Variants in LACC1 observed in about 807,000 individuals in gnomAD.
LACC1 encodes laccase domain multifunctional purine nucleosidase 1, also known as purine nucleoside phosphorylase LACC1.
Under a neutral mutation model 34.8 loss-of-function variants are expected in LACC1, and 25 were observed. The ratio of observed to expected loss-of-function variants is 0.72; its 90% CI spans 0.52 to 1.00. LACC1 has a LOEUF of 1.00. LACC1 is among the 50% of genes least tolerant of loss of function. LACC1 has a pLI of 0.00. For synonymous variants in LACC1, 162 were observed against 168.0 expected (o/e 0.96, Z 0.28); for missense variants, 426 against 511.2 (o/e 0.83, Z 1.61).
At position 43,881,317 on chromosome 13, in the gene LACC1, G is replaced by A. The variant is rs375297301; in HGVS notation, c.332G>A (p.Arg111Lys). The A allele has an allele frequency of 1.2e-6, 2 of 1,613,822 alleles. No homozygotes were observed. The highest frequency in any genetic ancestry group is 2.7e-5 in the African/African-American group (2 of 74,890). ...SSIKVIVPRH[R>K]KTLMKAFIDQ... ...ATTAAGGTAATTGTACCCAGGCACA[G>A]GAAGACATTAATGAAAGCTTTTATT... The change falls in exon 2 of 7, where the codon AGG becomes AAG. Residue 111 changes from arginine to lysine, a missense_variant. Arg to Lys is a conservative substitution (Grantham distance 26). This residue lies in a region of LACC1 where 217 missense variants were observed against 210.9 expected (regional missense o/e 1.03). Transcript: ENST00000325686.
At chr13:43,882,906 A>G (rs1234284462) in intron 3 of LACC1, among the ~76,000 whole-genome samples, 1 of 151,974 alleles carries the variant, frequency 6.6e-6, no homozygotes, top group African/African-American at 2.4e-5. Flanking sequence ...GCAGATCAGG[A>G]TGCAAGGCCA....
intron 3 of LACC1, 55 bp downstream of exon 3, chr13:43,882,418 G>A: frequency 7.5e-7 from 1 of 1,328,314 alleles, no homozygotes; most frequent in Non-Finnish European, 1.0e-6. Flanking sequence ...TACTTTGCTA[G>A]TAACTACATG....
In LACC1 at chr13:43,881,065, C is replaced by T. The variant is rs1954998557; in HGVS notation, c.80C>T (p.Thr27Ile). 6.2e-7 allele frequency: 1 copy of T among 1,614,130 alleles called. No individual in the cohort carries two copies. The highest frequency in any genetic ancestry group is 8.5e-7 in the Non-Finnish European group (1 of 1,180,020). Residue 27 changes from threonine (T) to isoleucine (I), a missense_variant, in exon 2 of 7, where the codon ACT becomes ATT. Thr to Ile is a moderately conservative substitution (Grantham distance 89, BLOSUM62 -1). Around this residue, in one of 2 missense-constraint regions of LACC1, gnomAD observed 217 missense variants for 210.9 expected, o/e 1.03. Transcript: ENST00000325686. The part of the protein sequence containing the change: ...QKNCHQTLLK[T>I]LNAVQYHHAA... ...AACTGCCATCAGACATTACTGAAGA[C>T]TTTGAATGCTGTCCAATACCACCAT...
Position 43,884,615 on chromosome 13 carries a change from G to A in LACC1, c.907+679G>A, listed in dbSNP as rs140979663. Among the ~76,000 whole-genome samples, 431 of 152,254 alleles carry A rather than the reference G, an allele frequency of 2.8e-3. 3 individuals carry two copies. The highest frequency in any genetic ancestry group is 8.6e-3 in the Admixed American group (132 of 15,290). On this transcript the variant is annotated intron_variant, in intron 4 of 6. Transcript: ENST00000325686. ...ATTTTTAGAAGGTATATTGTGTTAA[G>A]GATATGGAATTTTGTTTTCTGAAGG... is the stretch of plus-strand genomic sequence containing the variant.
chr13:43,885,180 C>G (rs1410477025), intron 4 of LACC1, among the ~76,000 whole-genome samples: 1 of 152,096 alleles, frequency 6.6e-6, no homozygotes, highest in Non-Finnish European at 1.5e-5. Context: ...GGCCACACTG[C>G]CCAAAGCAAT....
At chr13:43,889,493 T>C (rs1347834196) in intron 5 of LACC1, among the ~76,000 whole-genome samples, 1 of 152,196 alleles carries the variant, frequency 6.6e-6, no homozygotes, top group South Asian at 2.1e-4. Flanking sequence ...TAATAACTGG[T>C]GAAAATTATT....
In LACC1 at chr13:43,881,335, CT is replaced by C. The variant is rs778054861; in HGVS notation, c.354del (p.Phe118LeufsTer19). 1 of 1,613,874 alleles carries C rather than the reference CT, an allele frequency of 6.2e-7. No homozygotes were observed. Among genetic ancestry groups the C allele is most frequent in the South Asian group, 1.1e-5 (1 of 91,070 alleles). On this transcript the variant is annotated frameshift_variant, in exon 2 of 7. Transcript: ENST00000325686. LOFTEE classifies it high-confidence loss of function. ...AGGCACAGGAAGACATTAATGAAAG[CT>C]TTTATTGATCAACTCTTCACTGATG... is the stretch of plus-strand genomic sequence containing the variant. ...VPRHRKTLMK[A>X]FIDQLFTDVY...
chr13:43,879,847 G>A (rs1474530706), upstream of LACC1: 1 of 150,122 alleles, frequency 6.7e-6, no homozygotes, highest in African/African-American at 2.5e-5. Flanking sequence ...GAGGCGGGGC[G>A]GGTGTCGTCG....
chr13:43,881,479 A>G lies in LACC1; in HGVS notation c.494A>G (p.Glu165Gly). ...QELRGIQNEI[E>G]TFLRSLPALR... ...CTAAGAGGAATTCAGAATGAAATAGAAACATTTTTGAGAAGTCTGCCAGCA... is the reference window on the plus strand; with the variant it reads ...CTAAGAGGAATTCAGAATGAAATAGGAACATTTTTGAGAAGTCTGCCAGCA... The change falls in exon 2 of 7, where the codon GAA becomes GGA. Residue 165 changes from glutamate (E) to glycine (G), a missense_variant. Transcript: ENST00000325686. 1 of 1,613,592 alleles carries G rather than the reference A, an allele frequency of 6.2e-7. No individual in the cohort carries two copies. Among genetic ancestry groups the G allele is most frequent in the Admixed American group, 1.7e-5 (1 of 59,912 alleles).
intron 5 of LACC1, 194 bp from the exon 6 acceptor site, chr13:43,889,920 G>C (rs928421695): frequency 1.9e-6 from 1 of 537,564 alleles, no homozygotes; most frequent in African/African-American, 1.9e-5. Flanking sequence ...TATGAACTTA[G>C]GTGATAAATG....
At chr13:43,890,062 G>T in intron 5 of LACC1, 52 bp from the exon 6 acceptor site, 1 of 1,476,474 alleles carries the variant, frequency 6.8e-7, no homozygotes, top group Non-Finnish European at 9.2e-7. Context: ...ATATTGCTTT[G>T]GCTATTGGGA....
At chr13:43,885,427 G>A (rs1955269315) in intron 4 of LACC1, among the ~76,000 whole-genome samples, 3 of 152,030 alleles carry the variant, frequency 2.0e-5, no homozygotes, top group South Asian at 2.1e-4. Flanking sequence ...CAATAGAACA[G>A]GATAGAGAAC....
intron 1 of LACC1, 33 bp from the exon 2 acceptor site, chr13:43,880,919 A>G (rs1954987896): frequency 7.6e-7 from 1 of 1,313,900 alleles, no homozygotes; most frequent in South Asian, 1.4e-5. Flanking sequence ...GATTTATATA[A>G]TCTTATATTC....
chr13:43,884,870 G>A (rs992985267), intron 4 of LACC1, among the ~76,000 whole-genome samples: 1 of 152,150 alleles, frequency 6.6e-6, no homozygotes, highest in Non-Finnish European at 1.5e-5. Context: ...TAAAATTTGA[G>A]TCTTGGCTCC....
At position 43,881,137 on chromosome 13, in the gene LACC1, G is replaced by A. The variant is rs757456414; in HGVS notation, c.152G>A (p.Ser51Asn). 1 of 1,614,138 alleles carries A rather than the reference G, an allele frequency of 6.2e-7. No individual in the cohort carries two copies. The highest frequency in any genetic ancestry group is 2.2e-5 in the East Asian group (1 of 44,874). Residue 51 changes from serine to asparagine, a missense_variant, in exon 2 of 7, where the codon AGC (serine) becomes AAC (asparagine). Physicochemically the swap from Ser to Asn is conservative, Grantham distance 46. Coordinates refer to ENST00000325686, the MANE Select transcript of LACC1 (RefSeq NM_153218.4). ...TGTATAATGTGTTGCAGTAACATCA[G>A]CTATGAAAGGGATGGAGAACAAGAT... ...FLCIMCCSNI[S>N]YERDGEQDNC...
intron 3 of LACC1, 32 bp downstream of exon 3, chr13:43,882,395 A>G: frequency 1.3e-6 from 2 of 1,547,420 alleles, no homozygotes; most frequent in Non-Finnish European, 1.8e-6. Context: ...TGAAAGATCT[A>G]AAGTATATTT....
At chr13:43,882,164 T>G in intron 2 of LACC1, 21 bp from the exon 3 acceptor site, 1 of 1,575,810 alleles carries the variant, frequency 6.3e-7, no homozygotes. Flanking sequence ...CTTTTAAATC[T>G]TCACTGCTTA....
At chr13:43,890,420 T>C in intron 6 of LACC1, 146 bp downstream of exon 6, 2 of 628,530 alleles carry the variant, frequency 3.2e-6, no homozygotes, top group Non-Finnish European at 5.2e-6. Context: ...CTTTACTCCT[T>C]TATTCCTACA....
chr13:43,888,621 A>G, intron 4 of LACC1, 136 bp from the exon 5 acceptor site: 2 of 685,826 alleles, frequency 2.9e-6, no homozygotes, highest in South Asian at 3.7e-5. Flanking sequence ...TAAAAACCAC[A>G]TGATAATGTA....
Sources: gnomAD v4.1 joint callset for allele counts (sites outside exome capture counted in the v4.1 genomes callset) on GRCh38, gnomAD v4.1.1 for gene constraint, gnomAD v4.1.1 regional missense constraint, MANE v1.5 for transcripts, NCBI Gene and HGNC (gene_info 2026-07-23, HGNC 2026-07-21) for gene names.